Variants in IL13RA1 observed in about 807,000 individuals in gnomAD.
IL13RA1 encodes the protein interleukin 13 receptor subunit alpha 1, also known as interleukin-13 receptor subunit alpha-1.
In IL13RA1, 14 loss-of-function variants were observed where a neutral mutation model predicts 33.8. That is an observed-to-expected ratio of 0.41 (90% CI 0.27 to 0.65). IL13RA1 has a LOEUF of 0.65. IL13RA1 is among the 30% of genes least tolerant of loss of function. The pLI is 0.28. For missense variants in IL13RA1, 313 were observed against 327.0 expected (o/e 0.96, Z 0.33); for synonymous variants, 116 against 115.7 (o/e 1.00, Z -0.02).
At chrX:118,756,528 GCACTAATAATGAAGGTCAGGGAGGT>G (rs1435687267) in intron 4 of IL13RA1, among the ~76,000 whole-genome samples, 1 of 111,268 alleles carries the variant, frequency 9.0e-6, no homozygotes, top group African/African-American at 3.3e-5. Flanking sequence ...TGATTGGAGG[GCACTAATAATGAAGGTCAGGGAGGT>G]CAATCTGAAG....
At chrX:118,782,046 CTCTT>C (rs1314456282) in intron 10 of IL13RA1, among the ~76,000 whole-genome samples, 1 of 111,446 alleles carries the variant, frequency 9.0e-6, no homozygotes, top group East Asian at 2.8e-4. Context: ...TACAGTTTTT[CTCTT>C]TCTATCATTT....
At chrX:118,738,216 T>G (rs1446180942) in intron 1 of IL13RA1, 1 of 111,581 alleles carries the variant, frequency 9.0e-6, no homozygotes, top group East Asian at 2.8e-4. Flanking sequence ...GAATGATTTT[T>G]TTTATTTCAA....
chrX:118,742,211 G>A (rs1490540155), intron 2 of IL13RA1, among the ~76,000 whole-genome samples: 1 of 112,037 alleles, frequency 8.9e-6, no homozygotes, highest in African/African-American at 3.2e-5. Flanking sequence ...TTATGGTTTA[G>A]GCGTTAATTG....
chrX:118,755,002 G>A (rs1301082426), intron 4 of IL13RA1, among the ~76,000 whole-genome samples: 1 of 97,524 alleles, frequency 1.0e-5, no homozygotes, highest in East Asian at 3.2e-4. Flanking sequence ...AGGCTGGAGT[G>A]CAGTGGTGCG....
At chrX:118,794,562 G>T (rs1362220308), downstream of IL13RA1, 4 of 111,769 alleles carry the variant, frequency 3.6e-5, no homozygotes, top group African/African-American at 1.3e-4. Context: ...GTCTTATTTT[G>T]GGGAAATGGT....
chrX:118,759,930 G>A (rs913556940), intron 5 of IL13RA1, among the ~76,000 whole-genome samples: 25 of 110,706 alleles, frequency 2.3e-4, no homozygotes, highest in South Asian at 7.8e-4. Flanking sequence ...GTGCCACCAC[G>A]CCAGGCTAAT....
chrX:118,783,726 T>A (rs954544338), intron 10 of IL13RA1, among the ~76,000 whole-genome samples: 4 of 99,053 alleles, frequency 4.0e-5, no homozygotes, highest in Admixed American at 1.2e-4. Context: ...TTAATAGTTA[T>A]ACAGTTTTTA....
intron 1 of IL13RA1, among the ~76,000 whole-genome samples, 171 bp from the exon 2 acceptor site, chrX:118,740,846 G>T (rs1479281970): frequency 1.8e-5 from 2 of 112,320 alleles, no homozygotes; most frequent in African/African-American, 6.5e-5. Flanking sequence ...TTGTTGTGAG[G>T]ATTAAATGGA....
chrX:118,797,200 G>A (rs934869367), downstream of IL13RA1, among the ~76,000 whole-genome samples: 45 of 112,313 alleles, frequency 4.0e-4, no homozygotes, highest in African/African-American at 1.3e-3. Context: ...TGTAAAATGA[G>A]GAGGTTGGAC....
intron 2 of IL13RA1, among the ~76,000 whole-genome samples, chrX:118,742,149 G>A (rs2017351235): frequency 8.9e-6 from 1 of 112,097 alleles, no homozygotes; most frequent in Admixed American, 9.5e-5. Flanking sequence ...TCTTCCTCTG[G>A]AGGGAAATTT....
chrX:118,769,150 T>C (rs756381359), intron 8 of IL13RA1, among the ~76,000 whole-genome samples: 12 of 112,383 alleles, frequency 1.1e-4, no homozygotes, highest in Admixed American at 2.8e-4. Context: ...TAGCCCATGC[T>C]CAAGGAGAGG....
At chrX:118,743,330 G>A (rs1229847156) in intron 2 of IL13RA1, among the ~76,000 whole-genome samples, 2 of 111,720 alleles carry the variant, frequency 1.8e-5, no homozygotes, top group African/African-American at 6.5e-5. Context: ...ATGTTCAAAG[G>A]TCCCAAGTTG....
chrX:118,787,947 G>A (rs977877837), intron 10 of IL13RA1, among the ~76,000 whole-genome samples: 23 of 111,444 alleles, frequency 2.1e-4, no homozygotes, highest in African/African-American at 5.9e-4. Context: ...GGCCTGAGGC[G>A]ACATACATCC....
rs777543603 is a variant in IL13RA1, at chrX:118,736,653, C to T, written c.89-4364C>T. The stretch of plus-strand genomic sequence containing the variant: ...ACCTAGTCTCGCTCTGTTGCCCAGG[C>T]TAGAGTGCAGTGGTGTGATCACAGC... On this transcript the variant is annotated intron_variant, in intron 1 of 10. Transcript: ENST00000371666. 2.7e-5 allele frequency among the ~76,000 whole-genome samples: 3 copies of T among 111,935 alleles called. No homozygotes were observed. In the Admixed American group the frequency reaches 2.9e-4, roughly 11 times the overall value.
chrX:118,758,077 C>A lies in IL13RA1; in HGVS notation c.511C>A (p.His171Asn). 1.7e-6 allele frequency: 2 copies of A among 1,162,450 alleles called. No homozygotes were observed. Among genetic ancestry groups the A allele is most frequent in the South Asian group, 1.9e-5 (1 of 52,590 alleles). The change falls in exon 5 of 11, where the codon CAT becomes AAT. Residue 171 changes from histidine to asparagine, a missense_variant. By Grantham distance (68) the His-to-Asn change is moderately conservative. Coordinates refer to ENST00000371666, the MANE Select transcript of IL13RA1 (RefSeq NM_001560.3). ...YYWHRSLEKI[H>N]QCENIFREGQ... is the part of the protein sequence containing the mutation. Reference sequence around the variant, plus strand: ...TAGGCACAGAAGCCTGGAAAAAATTCATCAATGTGAAAACATCTTTAGAGA... The same window carrying A: ...TAGGCACAGAAGCCTGGAAAAAATTAATCAATGTGAAAACATCTTTAGAGA...
At chrX:118,777,450 A>G (rs189467002) in intron 10 of IL13RA1, among the ~76,000 whole-genome samples, 14 of 112,030 alleles carry the variant, frequency 1.2e-4, no homozygotes, top group Non-Finnish European at 1.9e-4. Flanking sequence ...CTCATCTTAT[A>G]TAACTGGGCT....
At chrX:118,740,106 G>A in intron 1 of IL13RA1, among the ~76,000 whole-genome samples, 1 of 112,031 alleles carries the variant, frequency 8.9e-6, no homozygotes, top group Non-Finnish European at 1.9e-5. Context: ...TGGGACTATA[G>A]GCATGTACCA....
chrX:118,747,083 C>G lies in IL13RA1; in HGVS notation c.358C>G (p.Pro120Ala), dbSNP rs761369710. 31 of 1,157,026 alleles carry G rather than the reference C, an allele frequency of 2.7e-5. No individual in the cohort carries two copies. The highest frequency in any genetic ancestry group is 3.4e-5 in the Non-Finnish European group (29 of 850,963). Reference sequence around the variant, plus strand: ...CATTTTGGTTGAAAAATGCATCTCACCCCCAGAAGGTAACAACTGAAAGCG... The same window carrying G: ...CATTTTGGTTGAAAAATGCATCTCAGCCCCAGAAGGTAACAACTGAAAGCG... ...PSILVEKCIS[P>A]PEGDPESAVT... Residue 120 changes from proline (P) to alanine (A), a missense_variant, in exon 3 of 11, where the codon CCC (proline) becomes GCC (alanine). Pro to Ala is a conservative substitution (Grantham distance 27, BLOSUM62 -1). Coordinates refer to ENST00000371666, the MANE Select transcript of IL13RA1 (RefSeq NM_001560.3).
At chrX:118,794,934 A>C (rs1184818119), downstream of IL13RA1, among the ~76,000 whole-genome samples, 1 of 111,681 alleles carries the variant, frequency 9.0e-6, no homozygotes, top group Non-Finnish European at 1.9e-5. Context: ...CAAGAAAGTC[A>C]GTTTTTGACT....
Sources: allele counts gnomAD v4.1 joint callset (sites outside exome capture counted in the v4.1 genomes callset), GRCh38; gene constraint gnomAD v4.1.1; transcripts MANE v1.5; gene names NCBI Gene and HGNC (gene_info 2026-07-23, HGNC 2026-07-21).